MAP4: variants seen among roughly 807,000 people sequenced by gnomAD.
MAP4 encodes microtubule associated protein 4.
In MAP4, 76 loss-of-function variants were observed where a neutral mutation model predicts 170.2. That is an observed-to-expected ratio of 0.45 (90% CI 0.37 to 0.54). MAP4 has a LOEUF of 0.54. MAP4 is among the 20% of genes least tolerant of loss of function. The probability of loss-of-function intolerance (pLI) is 0.00; values close to 1 mark genes in which losing one functional copy is unlikely to be tolerated. For synonymous variants in MAP4, 909 were observed against 994.5 expected, an observed-to-expected ratio of 0.91 and a Z score of 1.62; for missense variants, 2,506 against 2,748.0, an observed-to-expected ratio of 0.91 and a Z score of 1.97.
At chr3:47,979,299 G>A (rs538112458) in intron 2 of MAP4, among the ~76,000 whole-genome samples, 159 of 151,946 alleles carry the variant, frequency 1.0e-3, no homozygotes, top group Non-Finnish European at 1.6e-3. Context: ...AGAGTCATTT[G>A]TGGAAAAAGT....
intron 1 of MAP4, among the ~76,000 whole-genome samples, chr3:48,031,852 G>T (rs2100116277): frequency 6.6e-6 from 1 of 152,088 alleles, no homozygotes; most frequent in African/African-American, 2.4e-5. Context: ...CTGTACTCCA[G>T]CTTGAGTGAT....
rs145786745 is a variant in MAP4, at chr3:47,952,654, A to T, written c.293-24304T>A. Among the ~76,000 whole-genome samples the T allele has an allele frequency of 7.8e-3, 1,182 of 151,404 alleles. 14 individuals are homozygous for T. The highest frequency in any genetic ancestry group is 0.024 in the African/African-American group (998 of 41,424). On this transcript the variant is annotated intron_variant, in intron 3 of 20. Coordinates refer to ENST00000683076, the MANE Select transcript of MAP4 (RefSeq NM_001385682.1). ...GGTTAAATGGAAAAAATAAATAAATAAATTAAAAAAAAAATAAAAATAAAA... is the reference window on the plus strand; with the variant it reads ...GGTTAAATGGAAAAAATAAATAAATTAATTAAAAAAAAAATAAAAATAAAA...
At chr3:48,079,400 T>C (rs2100145472) in intron 1 of MAP4, among the ~76,000 whole-genome samples, 2 of 152,060 alleles carry the variant, frequency 1.3e-5, no homozygotes, top group South Asian at 4.1e-4. Flanking sequence ...ACGTCTGTAA[T>C]CCCAGCACTT....
chr3:47,893,233 G>A (rs1326971313), intron 10 of MAP4, among the ~76,000 whole-genome samples: 1 of 152,180 alleles, frequency 6.6e-6, no homozygotes, highest in Non-Finnish European at 1.5e-5. Flanking sequence ...AGACTTCAGT[G>A]ATCAGGGCTT....
intron 10 of MAP4, among the ~76,000 whole-genome samples, chr3:47,888,770 C>T (rs1246546488): frequency 6.6e-6 from 1 of 152,224 alleles, no homozygotes; most frequent in African/African-American, 2.4e-5. Context: ...CTAGAATTTT[C>T]TCCCATTATT....
chr3:48,066,093 T>C (rs545329805), intron 1 of MAP4, among the ~76,000 whole-genome samples: 16 of 152,230 alleles, frequency 1.1e-4, no homozygotes, highest in Non-Finnish European at 1.3e-4. Flanking sequence ...AATATATACC[T>C]ATATAGTATA....
At chr3:47,898,172 G>A (rs1290603557) in intron 10 of MAP4, among the ~76,000 whole-genome samples, 3 of 152,064 alleles carry the variant, frequency 2.0e-5, no homozygotes, top group Admixed American at 6.6e-5. Context: ...AGAACCAGAC[G>A]CTTTTACAGA....
Position 47,909,100 on chromosome 3 carries a change from G to A in MAP4, c.5321C>T (p.Thr1774Ile), listed in dbSNP as rs765515312. The A allele has an allele frequency of 6.2e-7, 1 of 1,613,992 alleles. No homozygotes were observed. The highest frequency in any genetic ancestry group is 8.5e-7 in the Non-Finnish European group (1 of 1,179,850). Residue 1774 changes from threonine to isoleucine, a missense_variant, in exon 9 of 21, where the codon ACT becomes ATT. Thr to Ile is a moderately conservative substitution (Grantham distance 89). Transcript: ENST00000683076. Reference sequence around the variant, plus strand: ...GATTGTAGACTTTGGCAAAAGTGGAGTAAGTCCTCGGGACTTGGTGGGTCT... The same window carrying A: ...GATTGTAGACTTTGGCAAAAGTGGAATAAGTCCTCGGGACTTGGTGGGTCT... ...YMRPTKSRGL[T>I]PLLPKSTIQE...
rs1406241460 is a variant in MAP4, at chr3:47,912,077, G to A, written c.2344C>T (p.Gln782Ter). 1.3e-6 allele frequency: 2 copies of A among 1,536,152 alleles called. No homozygotes were observed. Among genetic ancestry groups the A allele is most frequent in the East Asian group, 4.9e-5 (2 of 40,922 alleles). Residue 782 changes from glutamine (Q) to a stop codon, truncating the protein, a stop_gained, in exon 9 of 21, where the codon CAA becomes TAA. Coordinates refer to ENST00000683076, the MANE Select transcript of MAP4 (RefSeq NM_001385682.1). LOFTEE classifies it high-confidence loss of function. ...TCCGAAGGTCCTCCAGCCCGTGGTTGAGAATATCTCTTTTGCTTTGGTTTC... is the reference window on the plus strand; with the variant it reads ...TCCGAAGGTCCTCCAGCCCGTGGTTAAGAATATCTCTTTTGCTTTGGTTTC... ...KKKPKQKRYS[Q>*]PRAGGPSDDD... is the part of the protein sequence containing the mutation.
chr3:47,941,922 A>G (rs2100056753), intron 3 of MAP4, among the ~76,000 whole-genome samples: 1 of 152,164 alleles, frequency 6.6e-6, no homozygotes, highest in African/African-American at 2.4e-5. Flanking sequence ...AGGTTTCTCC[A>G]GTTTTAGTTT....
At chr3:47,923,765 C>A (rs972226529) in intron 4 of MAP4, among the ~76,000 whole-genome samples, 2 of 151,920 alleles carry the variant, frequency 1.3e-5, no homozygotes, top group Non-Finnish European at 2.9e-5. Context: ...TGTGGTGAGC[C>A]GTGGTTGTAC....
chr3:47,863,027 A>C (rs2070760045), intron 17 of MAP4, among the ~76,000 whole-genome samples: 1 of 149,720 alleles, frequency 6.7e-6, no homozygotes, highest in African/African-American at 2.5e-5. Context: ...CCCAGGCTGG[A>C]GTGCAATGGC....
chr3:47,864,443 G>A (rs530316712), intron 17 of MAP4, among the ~76,000 whole-genome samples: 4 of 152,228 alleles, frequency 2.6e-5, no homozygotes, highest in Admixed American at 6.5e-5. Flanking sequence ...TTGGGAGGCC[G>A]AGGCGGGCGG....
At chr3:48,033,597 A>T (rs970282063) in intron 1 of MAP4, among the ~76,000 whole-genome samples, 1 of 151,748 alleles carries the variant, frequency 6.6e-6, no homozygotes, top group Non-Finnish European at 1.5e-5. Context: ...GAATTTTTTT[A>T]TTTTTATTTT....
At chr3:48,008,945 G>GT in intron 1 of MAP4, among the ~76,000 whole-genome samples, 1 of 152,184 alleles carries the variant, frequency 6.6e-6, no homozygotes, top group East Asian at 1.9e-4. Flanking sequence ...CTACCTGGTG[G>GT]CGGATTGATT....
At chr3:47,881,106 C>G (rs1249346199) in intron 10 of MAP4, among the ~76,000 whole-genome samples, 2 of 151,974 alleles carry the variant, frequency 1.3e-5, no homozygotes, top group East Asian at 3.9e-4. Flanking sequence ...ATGTAAGGAT[C>G]AATCTTAGTG....
At chr3:47,930,003 G>A (rs191776901) in intron 3 of MAP4, among the ~76,000 whole-genome samples, 8 of 152,244 alleles carry the variant, frequency 5.3e-5, no homozygotes, top group Non-Finnish European at 1.0e-4. Context: ...GGTGGCCTGT[G>A]CCTGCAGTCC....
chr3:48,056,859 C>G (rs1373061022), intron 1 of MAP4, among the ~76,000 whole-genome samples: 1 of 124,218 alleles, frequency 8.1e-6, no homozygotes, highest in African/African-American at 3.2e-5. Context: ...GGTCAGCCCC[C>G]CTGCCCGGCC....
intron 1 of MAP4, among the ~76,000 whole-genome samples, chr3:48,025,477 C>T (rs955898811): frequency 3.3e-5 from 5 of 151,572 alleles, no homozygotes; most frequent in African/African-American, 7.3e-5. Context: ...TTAGTAGAGA[C>T]GGGTTTTCAC....
Sources: allele counts gnomAD v4.1 joint callset (sites outside exome capture counted in the v4.1 genomes callset), GRCh38; gene constraint gnomAD v4.1.1; transcripts MANE v1.5; gene names NCBI Gene and HGNC (gene_info 2026-07-23, HGNC 2026-07-21).